Variants in MSRA observed in about 807,000 individuals in gnomAD.
MSRA encodes mitochondrial peptide methionine sulfoxide reductase.
MSRA carries 54 observed loss-of-function variants against 31.3 expected under a neutral mutation model. That is an observed-to-expected ratio of 1.73 (90% CI 1.39 to 2.17). The LOEUF is 2.17. Among genes scored for constraint, MSRA ranks in the 30% most tolerant of loss-of-function variants. The probability of loss-of-function intolerance (pLI) is 0.00; values close to 1 mark genes in which losing one functional copy is unlikely to be tolerated. For synonymous variants in MSRA, 169 were observed against 116.5 expected (o/e 1.45, Z -2.90); for missense variants, 507 against 300.9 (o/e 1.69, Z -5.07).
At chr8:10,364,399 A>G (rs1224429117) in intron 5 of MSRA, among the ~76,000 whole-genome samples, 1 of 152,194 alleles carries the variant, frequency 6.6e-6, no homozygotes, top group Non-Finnish European at 1.5e-5. Context: ...TCTCGAAATC[A>G]TCCTTGGCGA....
At chr8:10,395,437 G>A (rs1357551742) in intron 5 of MSRA, among the ~76,000 whole-genome samples, 1 of 152,150 alleles carries the variant, frequency 6.6e-6, no homozygotes, top group Non-Finnish European at 1.5e-5. Flanking sequence ...GTTTGGTTGA[G>A]GCCAAAATAT....
chr8:10,313,422 T>C (rs1041087230), intron 4 of MSRA, among the ~76,000 whole-genome samples: 6 of 151,886 alleles, frequency 4.0e-5, no homozygotes, highest in Non-Finnish European at 7.4e-5. Context: ...GGTTTACTTA[T>C]TTACCAGGAA....
At chr8:10,173,424 A>G (rs1805768269) in intron 1 of MSRA, among the ~76,000 whole-genome samples, 1 of 152,268 alleles carries the variant, frequency 6.6e-6, no homozygotes, top group Admixed American at 6.5e-5. Flanking sequence ...TGTCAAGCCA[A>G]AGAGAGGGCT....
chr8:10,081,596 T>A (rs372194971), intron 1 of MSRA, among the ~76,000 whole-genome samples: 11 of 152,246 alleles, frequency 7.2e-5, no homozygotes, highest in African/African-American at 2.2e-4. Context: ...TTGAAGCAGT[T>A]CTCCTGTCTT....
intron 2 of MSRA, among the ~76,000 whole-genome samples, chr8:10,219,190 C>G (rs1373323286): frequency 6.6e-6 from 1 of 152,146 alleles, no homozygotes; most frequent in Non-Finnish European, 1.5e-5. Flanking sequence ...GGGATGCTGC[C>G]CATAGCGAAG....
intron 5 of MSRA, among the ~76,000 whole-genome samples, chr8:10,329,202 G>A (rs1403065223): frequency 6.6e-6 from 1 of 152,210 alleles, no homozygotes; most frequent in Admixed American, 6.5e-5. Context: ...TGGCTTAAAA[G>A]CAACAGGGAT....
Position 10,240,857 on chromosome 8 carries a change from G to A in MSRA, c.212-4247G>A, listed in dbSNP as rs970882651. Among the ~76,000 whole-genome samples the A allele has an allele frequency of 8.1e-5, 12 of 147,900 alleles. No individual in the cohort carries two copies. The South Asian group carries it at 9.2e-4, about 11-fold the overall frequency. ...CCCCCGCACCCCCATCCCCCAAATC[G>A]GCCTTTCTCTCTGCCCCCAGCTGGT... On this transcript the variant is annotated intron_variant, in intron 2 of 5. Transcript: ENST00000317173.
intron 5 of MSRA, among the ~76,000 whole-genome samples, chr8:10,378,611 CT>C (rs1805881228): frequency 1.3e-5 from 2 of 152,144 alleles, no homozygotes; most frequent in Non-Finnish European, 2.9e-5. Context: ...ACGTGGGCTC[CT>C]AACATCCCCC....
intron 1 of MSRA, among the ~76,000 whole-genome samples, chr8:10,140,451 C>T (rs1251444260): frequency 6.6e-6 from 1 of 152,128 alleles, no homozygotes; most frequent in Non-Finnish European, 1.5e-5. Context: ...GATTGGTTTT[C>T]ACATTTCAGG....
At chr8:10,198,499 C>G (rs1028051320) in intron 1 of MSRA, among the ~76,000 whole-genome samples, 3 of 152,088 alleles carry the variant, frequency 2.0e-5, no homozygotes, top group African/African-American at 7.2e-5. Context: ...TACAGTTTTT[C>G]TGTATTTTAA....
chr8:10,344,019 T>G (rs1048906598), intron 5 of MSRA, among the ~76,000 whole-genome samples: 8 of 152,116 alleles, frequency 5.3e-5, no homozygotes, highest in Admixed American at 1.3e-4. Context: ...GATAGAACAT[T>G]CTGTAGTCCC....
intron 2 of MSRA, among the ~76,000 whole-genome samples, chr8:10,232,273 C>T (rs548123375): frequency 3.3e-4 from 51 of 152,334 alleles, no homozygotes. Context: ...GGTTTCCACT[C>T]TGACAAGACA....
intron 5 of MSRA, among the ~76,000 whole-genome samples, chr8:10,396,876 C>T (rs1243218570): frequency 6.6e-6 from 1 of 152,224 alleles, no homozygotes. Flanking sequence ...AGCCTCCCAG[C>T]CAGAATTATT....
At chr8:10,203,856 C>T (rs557831786) in intron 1 of MSRA, among the ~76,000 whole-genome samples, 4 of 152,206 alleles carry the variant, frequency 2.6e-5, no homozygotes, top group South Asian at 2.1e-4. Flanking sequence ...TCCAGTGGGA[C>T]GAGATGTGGA....
At chr8:10,227,346 G>A (rs1024374958) in intron 2 of MSRA, among the ~76,000 whole-genome samples, 1 of 152,154 alleles carries the variant, frequency 6.6e-6, no homozygotes, top group African/African-American at 2.4e-5. Flanking sequence ...TTCAGTGTAG[G>A]AATAGCTTTC....
At chr8:10,311,193 C>T (rs1268466103) in intron 4 of MSRA, among the ~76,000 whole-genome samples, 4 of 152,054 alleles carry the variant, frequency 2.6e-5, no homozygotes, top group Non-Finnish European at 2.9e-5. Flanking sequence ...GACCAAATTG[C>T]CCACTGAAAG....
At chr8:10,169,428 T>A (rs1391108546) in intron 1 of MSRA, among the ~76,000 whole-genome samples, 1 of 152,232 alleles carries the variant, frequency 6.6e-6, no homozygotes, top group Non-Finnish European at 1.5e-5. Context: ...ACTGTTTGCT[T>A]ATTTTAGAGC....
chr8:10,153,563 G>A (rs1275071011), intron 1 of MSRA, among the ~76,000 whole-genome samples: 1 of 152,096 alleles, frequency 6.6e-6, no homozygotes, highest in African/African-American at 2.4e-5. Flanking sequence ...AAGGTCACTG[G>A]GTGAGGTAGA....
chr8:10,300,704 A>T (rs1481040126), intron 3 of MSRA, among the ~76,000 whole-genome samples: 1 of 152,166 alleles, frequency 6.6e-6, no homozygotes, highest in Non-Finnish European at 1.5e-5. Flanking sequence ...TTTACTACAC[A>T]TAAGGTGACT....
Sources: gnomAD v4.1 joint callset for allele counts (sites outside exome capture counted in the v4.1 genomes callset) on GRCh38, gnomAD v4.1.1 for gene constraint, MANE v1.5 for transcripts, NCBI Gene and HGNC (gene_info 2026-07-23, HGNC 2026-07-21) for gene names.